Variants in CCDC102B observed in about 807,000 individuals in gnomAD.
CCDC102B encodes the protein coiled-coil domain-containing protein 102B.
A neutral mutation model predicts 57.4 loss-of-function variants in CCDC102B; 75 were observed. The ratio of observed to expected loss-of-function variants is 1.31; its 90% CI spans 1.08 to 1.58. CCDC102B has a LOEUF of 1.58. Among genes scored for constraint, CCDC102B ranks in the 40% most tolerant of loss-of-function variants. The probability of loss-of-function intolerance (pLI) is 0.00; values close to 1 mark genes in which losing one functional copy is unlikely to be tolerated. For missense variants in CCDC102B, 636 were observed against 582.6 expected (o/e 1.09, Z -0.94); for synonymous variants, 206 against 201.9 (o/e 1.02, Z -0.17).
intron 5 of CCDC102B, among the ~76,000 whole-genome samples, chr18:68,875,555 G>A (rs1403514493): frequency 6.6e-6 from 1 of 152,002 alleles, no homozygotes; most frequent in African/African-American, 2.4e-5. Flanking sequence ...TTTGTATTAG[G>A]TTTTCTTCCT....
At chr18:68,989,325 A>G (rs907897465) in intron 6 of CCDC102B, among the ~76,000 whole-genome samples, 2 of 152,238 alleles carry the variant, frequency 1.3e-5, no homozygotes, top group African/African-American at 2.4e-5. Flanking sequence ...GAAGATTAAC[A>G]TACCAAGTAG....
At chr18:68,755,700 CAA>C (rs2034024019) in intron 2 of CCDC102B, among the ~76,000 whole-genome samples, 1 of 151,248 alleles carries the variant, frequency 6.6e-6, no homozygotes, top group Admixed American at 6.6e-5. Context: ...ATATTTAAGA[CAA>C]AAATAATATT....
intron 7 of CCDC102B, among the ~76,000 whole-genome samples, chr18:69,014,846 A>G (rs983857890): frequency 5.3e-5 from 8 of 151,982 alleles, no homozygotes; most frequent in African/African-American, 1.9e-4. Flanking sequence ...GGCTAATGCC[A>G]TGTTTGGAAC....
chr18:68,850,004 T>G (rs2038050891), intron 4 of CCDC102B, among the ~76,000 whole-genome samples: 1 of 152,072 alleles, frequency 6.6e-6, no homozygotes, highest in Non-Finnish European at 1.5e-5. Flanking sequence ...GGGCCAGGCT[T>G]GGGAGTAGCG....
At chr18:68,857,058 T>C (rs2144857568) in intron 4 of CCDC102B, among the ~76,000 whole-genome samples, 1 of 123,532 alleles carries the variant, frequency 8.1e-6, no homozygotes, top group Non-Finnish European at 1.6e-5. Context: ...AATATATAAA[T>C]ATATTTTTAT....
At chr18:68,986,220 A>G (rs2050719108) in intron 6 of CCDC102B, among the ~76,000 whole-genome samples, 1 of 152,160 alleles carries the variant, frequency 6.6e-6, no homozygotes, top group South Asian at 2.1e-4. Flanking sequence ...TTCAGGTCCA[A>G]AACCCCTGGT....
At chr18:69,004,124 G>C (rs963168773) in intron 6 of CCDC102B, among the ~76,000 whole-genome samples, 1 of 152,080 alleles carries the variant, frequency 6.6e-6, no homozygotes, top group African/African-American at 2.4e-5. Flanking sequence ...CCCATCCATG[G>C]ACTTTTGCTA....
chr18:68,890,027 G>T (rs562875682), intron 5 of CCDC102B, among the ~76,000 whole-genome samples: 2 of 152,252 alleles, frequency 1.3e-5, no homozygotes, highest in East Asian at 3.9e-4. Flanking sequence ...GAGATATTAG[G>T]ATGCTGGCCA....
chr18:68,763,364 G>A (rs1203569337), intron 2 of CCDC102B, among the ~76,000 whole-genome samples: 1 of 152,044 alleles, frequency 6.6e-6, no homozygotes, highest in Non-Finnish European at 1.5e-5. Context: ...ATGCATGCAT[G>A]GTTGCCCCTT....
In CCDC102B at chr18:68,817,099, C is replaced by T. The variant is rs147973891; in HGVS notation, c.-16+18918C>T. Among the ~76,000 whole-genome samples the T allele has an allele frequency of 4.9e-3, 747 of 152,280 alleles. 9 individuals are homozygous for T. Among genetic ancestry groups the T allele is most frequent in the African/African-American group, 0.017 (716 of 41,560 alleles). ...TTTTCTTACTAGTAGGAAAATCCAT[C>T]GTTATAAAATGTTGCATGCATTTTT... On this transcript the variant is annotated intron_variant, in intron 1 of 7. Coordinates refer to ENST00000360242, the MANE Select transcript of CCDC102B (RefSeq NM_024781.3).
intron 2 of CCDC102B, among the ~76,000 whole-genome samples, chr18:68,723,988 T>A (rs2032478502): frequency 6.6e-6 from 1 of 152,224 alleles, no homozygotes; most frequent in African/African-American, 2.4e-5. Context: ...TCCAGGCATT[T>A]CCATATATTC....
At chr18:68,831,862 A>G (rs1272863992) in intron 1 of CCDC102B, among the ~76,000 whole-genome samples, 1 of 152,180 alleles carries the variant, frequency 6.6e-6, no homozygotes, top group African/African-American at 2.4e-5. Flanking sequence ...CTTTAGATCT[A>G]TACAAAATGC....
chr18:68,743,624 A>T (rs1194840022), intron 2 of CCDC102B, among the ~76,000 whole-genome samples: 1 of 152,190 alleles, frequency 6.6e-6, no homozygotes, highest in Non-Finnish European at 1.5e-5. Context: ...GTTGCCTTTA[A>T]ACTAAAGCCT....
intron 2 of CCDC102B, among the ~76,000 whole-genome samples, chr18:68,718,861 C>T (rs1181811197): frequency 6.6e-6 from 1 of 152,108 alleles, no homozygotes; most frequent in Admixed American, 6.5e-5. Context: ...AAAATAATTT[C>T]AGAAAATACC....
At chr18:68,756,369 T>C (rs923898301) in intron 2 of CCDC102B, among the ~76,000 whole-genome samples, 3 of 152,042 alleles carry the variant, frequency 2.0e-5, no homozygotes, top group Admixed American at 6.6e-5. Context: ...ACACAGCAAA[T>C]TGAAGTAAGA....
intron 4 of CCDC102B, among the ~76,000 whole-genome samples, chr18:68,852,676 G>T (rs567061287): frequency 6.6e-6 from 1 of 151,924 alleles, no homozygotes; most frequent in Non-Finnish European, 1.5e-5. Context: ...TCATGGATAT[G>T]GAAGTATACA....
In CCDC102B at chr18:68,880,115, G is replaced by A. The variant is rs549421870; in HGVS notation, c.1053+5330G>A. On this transcript the variant is annotated intron_variant, in intron 5 of 7. Coordinates refer to ENST00000360242, the MANE Select transcript of CCDC102B (RefSeq NM_024781.3). ...AGGGGGTGGAAGGCTCAGGCATGGC[G>A]GGCTGCAGGTCCCGAGCCCTGCCCC... Among the ~76,000 whole-genome samples the A allele has an allele frequency of 9.2e-5, 14 of 152,316 alleles. No homozygotes were observed. The East Asian group carries it at 9.7e-4, about 11-fold the overall frequency.
At chr18:68,935,452 G>A (rs546514627) in intron 6 of CCDC102B, among the ~76,000 whole-genome samples, 1 of 151,784 alleles carries the variant, frequency 6.6e-6, no homozygotes, top group South Asian at 2.1e-4. Context: ...GTGTTGGTTT[G>A]GTTTGCCTTT....
intron 2 of CCDC102B, among the ~76,000 whole-genome samples, chr18:68,764,110 T>G (rs1195220088): frequency 6.6e-6 from 1 of 152,142 alleles, no homozygotes; most frequent in Non-Finnish European, 1.5e-5. Context: ...CCAAGGATCT[T>G]AAGTACTCTT....
Sources: allele counts gnomAD v4.1 joint callset (sites outside exome capture counted in the v4.1 genomes callset), GRCh38; gene constraint gnomAD v4.1.1; transcripts MANE v1.5; gene names NCBI Gene and HGNC (gene_info 2026-07-23, HGNC 2026-07-21).